The following COL19A1 variants were observed in gnomAD, a reference collection of about 807,000 sequenced individuals.
COL19A1 encodes collagen type XIX alpha 1 chain.
COL19A1 carries 159 observed loss-of-function variants against 190.2 expected under a neutral mutation model. The ratio of observed to expected loss-of-function variants is 0.84; its 90% CI spans 0.73 to 0.95. The LOEUF is 0.95. Among genes scored for constraint, COL19A1 ranks in the 40% least tolerant of loss-of-function variants. COL19A1 has a pLI of 0.00. For synonymous variants in COL19A1, 509 were observed against 458.9 expected (o/e 1.11, Z -1.39); for missense variants, 1,418 against 1,431.9 (o/e 0.99, Z 0.16).
intron 16 of COL19A1, among the ~76,000 whole-genome samples, chr6:70,108,397 T>C (rs1784095554): frequency 6.6e-6 from 1 of 152,152 alleles, no homozygotes; most frequent in African/African-American, 2.4e-5. Context: ...CAATTTCAGT[T>C]GAAAACAGAA....
In COL19A1 at chr6:70,146,907, G is replaced by T; in HGVS notation, c.1893+18G>T. 6.4e-7 allele frequency: 1 copy of T among 1,551,780 alleles called. No individual in the cohort carries two copies. The highest frequency in any genetic ancestry group is 8.7e-7 in the Non-Finnish European group (1 of 1,154,996). On this transcript the variant is annotated intron_variant, in intron 27 of 50. Transcript: ENST00000620364. Reference sequence around the variant, plus strand: ...GCAGAACAGTAAGTGAAATTCATTCGAGTCCTTGTTGATTCCAACATTGTG... The same window carrying T: ...GCAGAACAGTAAGTGAAATTCATTCTAGTCCTTGTTGATTCCAACATTGTG...
At chr6:69,923,943 T>C (rs1772179078) in intron 4 of COL19A1, among the ~76,000 whole-genome samples, 1 of 152,182 alleles carries the variant, frequency 6.6e-6, no homozygotes, top group Non-Finnish European at 1.5e-5. Flanking sequence ...AGCAGAAACT[T>C]CAGGAGTCAA....
intron 19 of COL19A1, 103 bp downstream of exon 19, chr6:70,137,850 T>A (rs1583002500): frequency 3.7e-6 from 4 of 1,074,184 alleles, no homozygotes; most frequent in Admixed American, 3.7e-5. Flanking sequence ...GTTGATCCTG[T>A]CATGGGAAAC....
intron 4 of COL19A1, among the ~76,000 whole-genome samples, chr6:69,913,957 TAA>T (rs78628399): frequency 3.6e-5 from 5 of 140,284 alleles, no homozygotes; most frequent in Admixed American, 7.1e-5. Context: ...AATCCAGGGT[TAA>T]AAAAAAAAAA....
At chr6:70,167,878 A>T in intron 37 of COL19A1, 147 bp from the exon 38 acceptor site, 1 of 569,370 alleles carries the variant, frequency 1.8e-6, no homozygotes, top group Non-Finnish European at 3.0e-6. Context: ...GTATTATTTT[A>T]CTTAGAGTAT....
intron 40 of COL19A1, 136 bp from the exon 41 acceptor site, chr6:70,171,828 G>A (rs1401344123): frequency 1.4e-6 from 1 of 693,470 alleles, no homozygotes; most frequent in African/African-American, 1.8e-5. Context: ...TAAAAATAGG[G>A]CATATCATTT....
At chr6:69,996,212 CTG>C (rs1413238171) in intron 11 of COL19A1, among the ~76,000 whole-genome samples, 2 of 152,078 alleles carry the variant, frequency 1.3e-5, no homozygotes, top group Non-Finnish European at 2.9e-5. Context: ...TTGCTTCTAT[CTG>C]TTAAAAATCA....
chr6:69,874,250 ACTTTGCC>A (rs1439117963), intron 1 of COL19A1, among the ~76,000 whole-genome samples: 1 of 152,190 alleles, frequency 6.6e-6, no homozygotes, highest in Non-Finnish European at 1.5e-5. Context: ...CACAAGGCAA[ACTTTGCC>A]CTTGTCAGTT....
intron 3 of COL19A1, 92 bp from the exon 4 acceptor site, chr6:69,900,147 A>G: frequency 1.4e-6 from 1 of 695,588 alleles, no homozygotes; most frequent in Non-Finnish European, 2.2e-6. Flanking sequence ...TTTGAAGTGA[A>G]TCAATTAATA....
chr6:70,046,246 A>T (rs1396725171), intron 14 of COL19A1, among the ~76,000 whole-genome samples: 1 of 151,902 alleles, frequency 6.6e-6, no homozygotes, highest in Non-Finnish European at 1.5e-5. Flanking sequence ...AAATCTCTTG[A>T]TTTTTTCAGT....
chr6:69,881,937 TGGTTCACAGCGCAA>T (rs1254190782), intron 2 of COL19A1, among the ~76,000 whole-genome samples: 1 of 152,208 alleles, frequency 6.6e-6, no homozygotes, highest in East Asian at 1.9e-4. Flanking sequence ...CTTGTGTATC[TGGTTCACAGCGCAA>T]GGTTCCCTTT....
intron 4 of COL19A1, among the ~76,000 whole-genome samples, chr6:69,925,174 G>C (rs1002983100): frequency 1.3e-5 from 2 of 152,296 alleles, no homozygotes; most frequent in East Asian, 1.9e-4. Flanking sequence ...CCTATGTCCT[G>C]AATGGTATTG....
chr6:70,199,963 G>A (rs760786690), intron 49 of COL19A1: 2 of 422,488 alleles, frequency 4.7e-6, no homozygotes, highest in East Asian at 5.6e-5. Context: ...AACCAAATGA[G>A]AGTTACCTGG....
chr6:69,978,152 A>G (rs1351337254), intron 11 of COL19A1, among the ~76,000 whole-genome samples: 1 of 152,166 alleles, frequency 6.6e-6, no homozygotes, highest in African/African-American at 2.4e-5. Flanking sequence ...TTTCAGGTAT[A>G]ATTTGAGCTG....
chr6:70,136,259 A>G (rs929400969), intron 18 of COL19A1, among the ~76,000 whole-genome samples: 2 of 152,214 alleles, frequency 1.3e-5, no homozygotes, highest in African/African-American at 4.8e-5. Context: ...TAGTAAATTT[A>G]TACTTGAAGC....
chr6:69,969,056 C>T (rs1775275493), intron 11 of COL19A1, among the ~76,000 whole-genome samples: 1 of 152,110 alleles, frequency 6.6e-6, no homozygotes, highest in South Asian at 2.1e-4. Context: ...ATAGTTTCCT[C>T]TTTTATAAAA....
At chr6:70,102,274 G>A (rs765518317) in intron 16 of COL19A1, 52 bp downstream of exon 16, 2 of 1,309,586 alleles carry the variant, frequency 1.5e-6, no homozygotes, top group Non-Finnish European at 2.2e-6. Flanking sequence ...CTTTATGTCT[G>A]TGTGTTTACC....
chr6:70,093,158 A>G (rs1178685854), intron 15 of COL19A1, among the ~76,000 whole-genome samples: 1 of 152,204 alleles, frequency 6.6e-6, no homozygotes, highest in East Asian at 1.9e-4. Context: ...GAAGCCTGGC[A>G]GCATAATTCT....
intron 37 of COL19A1, among the ~76,000 whole-genome samples, chr6:70,166,592 T>C (rs915545638): frequency 1.3e-5 from 2 of 152,194 alleles, no homozygotes; most frequent in African/African-American, 4.8e-5. Context: ...CGAGCCGAGC[T>C]GAGATATCAC....
Sources: allele counts gnomAD v4.1 joint callset (sites outside exome capture counted in the v4.1 genomes callset), GRCh38; gene constraint gnomAD v4.1.1; transcripts MANE v1.5; gene names NCBI Gene and HGNC (gene_info 2026-07-23, HGNC 2026-07-21).